Variants in TXNRD3 observed in about 807,000 individuals in gnomAD.
The protein encoded by TXNRD3 is TXNRD3 neighbor gene protein.
A neutral mutation model predicts 78.2 loss-of-function variants in TXNRD3; 68 were observed. The ratio of observed to expected loss-of-function variants is 0.87; its 90% CI spans 0.72 to 1.06. The LOEUF (loss-of-function observed/expected upper bound fraction) is 1.06, where lower values mean the gene tolerates loss of function less well. Among genes scored for constraint, TXNRD3 ranks in the 50% least tolerant of loss-of-function variants. The probability of loss-of-function intolerance (pLI) is 0.00; values close to 1 mark genes in which losing one functional copy is unlikely to be tolerated. For missense variants in TXNRD3, 751 were observed against 809.5 expected, an observed-to-expected ratio of 0.93 and a Z score of 0.88; for synonymous variants, 296 against 300.1, an observed-to-expected ratio of 0.99 and a Z score of 0.14.
chr3:126,643,527 G>A (rs1011807307), intron 5 of TXNRD3, among the ~76,000 whole-genome samples: 1 of 152,012 alleles, frequency 6.6e-6, no homozygotes, highest in Non-Finnish European at 1.5e-5. Context: ...GCAAACTTAC[G>A]TGACCACGAC....
intron 12 of TXNRD3, among the ~76,000 whole-genome samples, chr3:126,617,599 AG>A (rs1938346750): frequency 2.0e-5 from 3 of 152,242 alleles, no homozygotes; most frequent in South Asian, 4.1e-4. Context: ...GGAGAAATTC[AG>A]AAAGTGGGAC....
At chr3:126,643,855 T>A in intron 5 of TXNRD3, 126 bp downstream of exon 5, 1 of 915,926 alleles carries the variant, frequency 1.1e-6, no homozygotes, top group Non-Finnish European at 1.6e-6. Context: ...CTAGACTCGC[T>A]TGTTTTCTTA....
chr3:126,635,617 A>C (rs909007033), intron 6 of TXNRD3, among the ~76,000 whole-genome samples: 1 of 152,256 alleles, frequency 6.6e-6, no homozygotes, highest in Non-Finnish European at 1.5e-5. Context: ...AGAAAAAAAA[A>C]GTCTCATGGA....
rs760986865 is a variant in TXNRD3, at chr3:126,631,765, T to C, written c.970A>G (p.Ser324Gly). The C allele has an allele frequency of 2.6e-6, 4 of 1,513,486 alleles. No individual in the cohort carries two copies. The highest frequency in any genetic ancestry group is 3.6e-6 in the Non-Finnish European group (4 of 1,126,452). 93.8% of individuals were successfully genotyped at this position (1,513,486 alleles called of 1,614,324 possible). The change falls in exon 8 of 16, where the codon AGT becomes GGT. Residue 324 changes from serine (S) to glycine (G), a missense_variant and splice_region_variant. Physicochemically the swap from Ser to Gly is moderately conservative, Grantham distance 56 (BLOSUM62 0). Transcript: ENST00000524230. ...TTAAAATAGTCTATTTAACCTTACC[T>C]AGTAATACAGTATTCTTTATCTCCT...
intron 5 of TXNRD3, among the ~76,000 whole-genome samples, chr3:126,643,202 C>A (rs1933137040): frequency 6.6e-6 from 1 of 152,174 alleles, no homozygotes; most frequent in Non-Finnish European, 1.5e-5. Context: ...GCCAAGCTGC[C>A]CCAGAAGCCA....
intron 1 of TXNRD3, among the ~76,000 whole-genome samples, chr3:126,650,642 G>GA (rs879891867): frequency 0.027 from 3,808 of 139,168 alleles, 63 homozygotes; most frequent in Middle Eastern, 0.036. Flanking sequence ...CCCCATCTCA[G>GA]AAAAAAAAAA....
intron 13 of TXNRD3, among the ~76,000 whole-genome samples, chr3:126,614,929 G>C (rs931219814): frequency 5.3e-5 from 8 of 152,124 alleles, no homozygotes; most frequent in Non-Finnish European, 1.2e-4. Flanking sequence ...CAGGGTTGGG[G>C]GGTAAACAAG....
At chr3:126,646,432 A>G (rs1475299309) in intron 2 of TXNRD3, among the ~76,000 whole-genome samples, 2 of 152,234 alleles carry the variant, frequency 1.3e-5, no homozygotes, top group Admixed American at 1.3e-4. Flanking sequence ...GATTCCTTCA[A>G]AGATAAACCC....
chr3:126,623,459 G>C (rs1938501549), intron 10 of TXNRD3, among the ~76,000 whole-genome samples: 1 of 152,140 alleles, frequency 6.6e-6, no homozygotes, highest in Non-Finnish European at 1.5e-5. Context: ...TGAAATGTTA[G>C]CAAGTCAAAC....
chr3:126,651,969 G>A (rs982655989), intron 1 of TXNRD3, among the ~76,000 whole-genome samples: 6 of 152,148 alleles, frequency 3.9e-5, no homozygotes, highest in Non-Finnish European at 5.9e-5. Flanking sequence ...GGAAAAGAAC[G>A]ATAGAAGCAA....
intron 10 of TXNRD3, chr3:126,624,762 C>T (rs1938538345): frequency 6.3e-6 from 1 of 159,590 alleles, no homozygotes; most frequent in Non-Finnish European, 1.4e-5. Context: ...ACAAATGGTA[C>T]TGGATATCCA....
intron 1 of TXNRD3, among the ~76,000 whole-genome samples, chr3:126,650,006 T>C (rs1406691758): frequency 6.6e-6 from 1 of 152,260 alleles, no homozygotes; most frequent in Non-Finnish European, 1.5e-5. Flanking sequence ...AGTTTTATGT[T>C]ATGTGAATTT....
chr3:126,639,162 A>C (rs1464622618), intron 6 of TXNRD3, among the ~76,000 whole-genome samples: 1 of 152,076 alleles, frequency 6.6e-6, no homozygotes, highest in Admixed American at 6.5e-5. Context: ...TTATTTTAAA[A>C]AGAGATTCCA....
intron 15 of TXNRD3, 104 bp from the exon 16 acceptor site, chr3:126,608,077 C>G: frequency 1.1e-6 from 1 of 921,544 alleles, no homozygotes; most frequent in Non-Finnish European, 1.5e-6. Flanking sequence ...ATATACAAAT[C>G]TGGCCAGGCA....
chr3:126,616,801 A>G (rs1250793761), intron 12 of TXNRD3, among the ~76,000 whole-genome samples: 1 of 152,160 alleles, frequency 6.6e-6, no homozygotes, highest in Non-Finnish European at 1.5e-5. Flanking sequence ...CCCCAAATCA[A>G]TGAGAGGATT....
intron 8 of TXNRD3, among the ~76,000 whole-genome samples, chr3:126,631,240 G>A (rs551588413): frequency 1.2e-4 from 18 of 151,744 alleles, no homozygotes; most frequent in South Asian, 4.2e-4. Flanking sequence ...ATGTATGTAC[G>A]TATGTGCTAT....
At chr3:126,623,852 C>CAAAAA (rs4021853) in intron 10 of TXNRD3, among the ~76,000 whole-genome samples, 5 of 112,064 alleles carry the variant, frequency 4.5e-5, no homozygotes, top group African/African-American at 1.1e-4. Flanking sequence ...GAAACAAGGC[C>CAAAAA]AAAAAAAAAA....
chr3:126,620,129 A>G (rs1938415038), intron 12 of TXNRD3, among the ~76,000 whole-genome samples: 1 of 152,174 alleles, frequency 6.6e-6, no homozygotes, highest in African/African-American at 2.4e-5. Context: ...CCCCGTCTCA[A>G]CTAAAAACAC....
chr3:126,626,021 A>T (rs1369794427), intron 10 of TXNRD3: 3 of 152,478 alleles, frequency 2.0e-5, no homozygotes, highest in African/African-American at 7.2e-5. Flanking sequence ...CAGGAAAAGG[A>T]ATCAACGGAC....
Sources: gnomAD v4.1 joint callset for allele counts (sites outside exome capture counted in the v4.1 genomes callset) on GRCh38, gnomAD v4.1.1 for gene constraint, MANE v1.5 for transcripts, NCBI Gene and HGNC (gene_info 2026-07-23, HGNC 2026-07-21) for gene names.